Variants in CARS2 observed in about 807,000 individuals in gnomAD.
CARS2 encodes the protein cysteinyl-tRNA synthetase 2, mitochondrial.
In CARS2, 52 loss-of-function variants were observed where a neutral mutation model predicts 68.8. The observed-to-expected ratio is 0.76, with a 90% CI of 0.61 to 0.95. The LOEUF (loss-of-function observed/expected upper bound fraction) is 0.95. Ranked by LOEUF, CARS2 falls within the 40% of genes least tolerant of loss-of-function variation. The pLI is 0.00. For synonymous variants in CARS2, 314 were observed against 303.6 expected, an observed-to-expected ratio of 1.03 and a Z score of -0.36; for missense variants, 780 against 754.2, an observed-to-expected ratio of 1.03 and a Z score of -0.40.
chr13:110,679,591 GAAA>G (rs2063086484), intron 6 of CARS2, among the ~76,000 whole-genome samples: 1 of 9,660 alleles, frequency 1.0e-4, no homozygotes, highest in Non-Finnish European at 5.7e-4. Flanking sequence ...AAGAAAGAAA[GAAA>G]GAAAGAGAGA....
chr13:110,657,059 T>G (rs906395530), intron 9 of CARS2, among the ~76,000 whole-genome samples: 2 of 152,188 alleles, frequency 1.3e-5, no homozygotes, highest in East Asian at 1.9e-4. Flanking sequence ...ACTCAATAGT[T>G]TTACTGTTAA....
intron 9 of CARS2, among the ~76,000 whole-genome samples, chr13:110,654,871 G>A (rs389189): frequency 0.3 from 43,470 of 145,036 alleles, 7,639 homozygotes; most frequent in African/African-American, 0.47. Context: ...AGCTAGGACT[G>A]CACCAGGTGC....
intron 3 of CARS2, among the ~76,000 whole-genome samples, chr13:110,695,409 G>A (rs1183957960): frequency 6.6e-6 from 1 of 152,164 alleles, no homozygotes; most frequent in Non-Finnish European, 1.5e-5. Context: ...GGGAAGATGT[G>A]CATAGATTAA....
chr13:110,666,194 C>G lies in CARS2; in HGVS notation c.919+1146G>C, dbSNP rs377765185. 19 of 985,404 alleles carry G rather than the reference C, an allele frequency of 1.9e-5. No homozygotes were observed. In the African/African-American group the frequency reaches 3.3e-4, roughly 17 times the overall value. 61.0% of individuals were successfully genotyped at this position (985,404 alleles called of 1,614,324 possible). The stretch of plus-strand genomic sequence containing the variant: ...CCTGAGGGGCGATGCCTTAAATATT[C>G]CACCACTGGGCAGCGTGCACCCCCT... On this transcript the variant is annotated intron_variant, in intron 8 of 14. Coordinates refer to ENST00000257347, the MANE Select transcript of CARS2 (RefSeq NM_024537.4).
rs910658615 is a variant in CARS2 at position 110,644,272 on chromosome 13, G to A, written c.1416+113C>T. On this transcript the variant is annotated intron_variant, in intron 13 of 14. Coordinates refer to ENST00000257347, the MANE Select transcript of CARS2 (RefSeq NM_024537.4). Reference sequence around the variant, plus strand: ...AGGAAAGTAACATGTTTTTAAACAGGTAAATACATTAGTGTGGCATCATAA... The same window carrying A: ...AGGAAAGTAACATGTTTTTAAACAGATAAATACATTAGTGTGGCATCATAA... 3.7e-6 allele frequency: 5 copies of A among 1,337,246 alleles called. No individual in the cohort carries two copies. In the African/African-American group the frequency reaches 5.8e-5, roughly 15 times the overall value. The allele number at this position is 1,337,246 out of a possible 1,614,324, so 82.8% of individuals were successfully genotyped here.
chr13:110,674,802 C>T (rs974283404), intron 7 of CARS2, among the ~76,000 whole-genome samples: 1 of 152,212 alleles, frequency 6.6e-6, no homozygotes. Context: ...TTTTCACCAT[C>T]TACCCATCTG....
chr13:110,704,398 C>A (rs2063879342), intron 2 of CARS2, among the ~76,000 whole-genome samples: 1 of 152,138 alleles, frequency 6.6e-6, no homozygotes. Context: ...AGTATGTTAG[C>A]CCAAAGTAAA....
chr13:110,708,081 T>C (rs2063998154), upstream of CARS2, among the ~76,000 whole-genome samples: 1 of 152,230 alleles, frequency 6.6e-6, no homozygotes, highest in Admixed American at 6.5e-5. Flanking sequence ...TCTCCCTGAG[T>C]ATCTTAAATT....
intron 8 of CARS2, chr13:110,666,495 A>G: frequency 1.0e-6 from 1 of 985,364 alleles, no homozygotes; most frequent in African/African-American, 1.7e-5. Context: ...CCCCGACTCA[A>G]CAGGGTAAGC....
In CARS2 at chr13:110,670,450, G is replaced by T. The variant is rs549654266; in HGVS notation, c.786-2977C>A. Among the ~76,000 whole-genome samples, 2 of 152,218 alleles carry T rather than the reference G, an allele frequency of 1.3e-5. No homozygotes were observed. Among genetic ancestry groups the T allele is most frequent in the African/African-American group, 4.8e-5 (2 of 41,456 alleles). ...GGTGATACCCAGGCAAACAGGGTCT[G>T]GAGTGGACCTCCAGCAAACTCAACA... is the stretch of plus-strand genomic sequence containing the variant. On this transcript the variant is annotated intron_variant, in intron 7 of 14. Transcript: ENST00000257347. The surrounding 1 kb of genome is among the most constrained non-coding windows in gnomAD (Gnocchi z 4.1).
chr13:110,658,132 A>C (rs1289702289), intron 9 of CARS2, among the ~76,000 whole-genome samples: 1 of 152,234 alleles, frequency 6.6e-6, no homozygotes, highest in Non-Finnish European at 1.5e-5. Context: ...AAATAAAAGT[A>C]GAAAGACTGC....
rs892642007 is a variant in CARS2, at chr13:110,665,827, G to A, written c.919+1513C>T. 1.8e-5 allele frequency: 18 copies of A among 985,042 alleles called. No homozygotes were observed. The South Asian group carries it at 3.8e-4, about 21-fold the overall frequency. The allele number at this position is 985,042 out of a possible 1,614,324, so 61.0% of individuals were successfully genotyped here. On this transcript the variant is annotated intron_variant, in intron 8 of 14. Coordinates refer to ENST00000257347, the MANE Select transcript of CARS2 (RefSeq NM_024537.4). This position sits in a 1 kb window ranked among gnomAD's most constrained non-coding sequence, Gnocchi z 4.3. ...GAACCCTGCTGCGGACCAGAAAACCGGAGCACTTCTGCATTTAATGTCACC... is the reference window on the plus strand; with the variant it reads ...GAACCCTGCTGCGGACCAGAAAACCAGAGCACTTCTGCATTTAATGTCACC...
chr13:110,679,585 A>AAG (rs1477355190), intron 6 of CARS2, among the ~76,000 whole-genome samples: 1 of 11,322 alleles, frequency 8.8e-5, no homozygotes, highest in Non-Finnish European at 4.7e-4. Context: ...GAAAGAAAGA[A>AAG]AGAAAGAAAG....
chr13:110,712,839 G>C (rs368247586), intron 1 of CARS2: 1 of 1,024,032 alleles, frequency 9.8e-7, no homozygotes, highest in Admixed American at 2.0e-5. Context: ...CTAGGAAGCA[G>C]CTTCCCTCTC....
intron 3 of CARS2, 36 bp from the exon 4 acceptor site, chr13:110,688,054 GGGGCA>G: frequency 6.8e-7 from 1 of 1,468,934 alleles, no homozygotes; most frequent in Non-Finnish European, 9.5e-7. Context: ...TAATGAGTCT[GGGGCA>G]TTCGCAACAG....
Position 110,657,729 on chromosome 13 carries a change from AG to A in CARS2, c.987+5721del, listed in dbSNP as rs551047342. Among the ~76,000 whole-genome samples, 354 of 152,354 alleles carry A rather than the reference AG, an allele frequency of 2.3e-3. 2 individuals are homozygous for A. Among genetic ancestry groups the A allele is most frequent in the Non-Finnish European group, 3.7e-3 (254 of 68,030 alleles). On this transcript the variant is annotated intron_variant, in intron 9 of 14. Coordinates refer to ENST00000257347, the MANE Select transcript of CARS2 (RefSeq NM_024537.4). ...ATCAAAGTGAAGCCTCTAAAACCAT[AG>A]GGTGGAAGCTTATTAGGAAACAAAT...
At chr13:110,663,369 G>T in intron 9 of CARS2, 82 bp downstream of exon 9, 1 of 1,380,504 alleles carries the variant, frequency 7.2e-7, no homozygotes, top group Non-Finnish European at 9.9e-7. Flanking sequence ...GGATTCCGTG[G>T]TTCTCAAATG....
intron 9 of CARS2, among the ~76,000 whole-genome samples, chr13:110,654,833 C>T (rs983521448): frequency 4.7e-5 from 7 of 148,182 alleles, no homozygotes; most frequent in South Asian, 2.1e-4. Flanking sequence ...GGAGGTTTGC[C>T]GGAGCCCACA....
chr13:110,690,372 C>T (rs528526805), intron 3 of CARS2, among the ~76,000 whole-genome samples: 1 of 152,174 alleles, frequency 6.6e-6, no homozygotes, highest in Non-Finnish European at 1.5e-5. Context: ...ATACAGCGAC[C>T]AGTTTTCCCA....
Sources: gnomAD v4.1 joint callset for allele counts (sites outside exome capture counted in the v4.1 genomes callset) on GRCh38, gnomAD v4.1.1 for gene constraint, Gnocchi (gnomAD v3.1) non-coding constraint, MANE v1.5 for transcripts, NCBI Gene and HGNC (gene_info 2026-07-23, HGNC 2026-07-21) for gene names.